ESRRG: variants seen among roughly 807,000 people sequenced by gnomAD.
ESRRG encodes the protein estrogen-related receptor gamma.
A neutral mutation model predicts 44.0 loss-of-function variants in ESRRG; 13 were observed. The ratio of observed to expected loss-of-function variants is 0.30; its 90% CI spans 0.19 to 0.47. The LOEUF (loss-of-function observed/expected upper bound fraction) is 0.47. ESRRG is among the 20% of genes least tolerant of loss of function. The pLI, the probability that ESRRG is intolerant of heterozygous loss-of-function variation, is 1.00. For missense variants in ESRRG, 395 were observed against 580.6 expected (o/e 0.68, Z 3.29); for synonymous variants, 215 against 214.6 (o/e 1.00, Z -0.02).
rs1023143366 is a variant in ESRRG at position 217,073,249 on chromosome 1, GCTTTCTACATGCAACTGCCAAAAA to G, written c.-106+16234_-106+16257del. 1.4e-4 allele frequency among the ~76,000 whole-genome samples: 19 copies of G among 135,594 alleles called. No homozygotes were observed. In the Middle Eastern group the frequency reaches 0.017, roughly 121 times the overall value. The allele number at this position is 135,594 out of a possible 152,430, so 89.0% of individuals were successfully genotyped here. On this transcript the variant is annotated intron_variant, in intron 1 of 7. Coordinates refer to the ESRRG transcript ENST00000359162. ...AAAAAATCCTCATGAAGAATGTATTGCTTTCTACATGCAACTGCCAAAAACCCAACTGTAGGCAAAATCCATCTT... is the reference window on the plus strand; with the variant it reads ...AAAAAATCCTCATGAAGAATGTATTGCCCAACTGTAGGCAAAATCCATCTT...
intron 3 of ESRRG, among the ~76,000 whole-genome samples, chr1:216,570,069 A>C (rs547189955): frequency 1.3e-5 from 2 of 152,354 alleles, no homozygotes; most frequent in African/African-American, 4.8e-5. Flanking sequence ...AAAGATTATT[A>C]GGAAAACAAT....
chr1:217,091,551 A>G (rs1337474059), upstream of ESRRG, among the ~76,000 whole-genome samples: 3 of 152,226 alleles, frequency 2.0e-5, no homozygotes, highest in African/African-American at 7.2e-5. Flanking sequence ...TGAATTGGAG[A>G]AACTAGACTA....
intron 1 of ESRRG, among the ~76,000 whole-genome samples, chr1:217,042,473 A>AACACACACACACACACACACAC (rs140559927): frequency 7.2e-6 from 1 of 139,072 alleles, no homozygotes; most frequent in African/African-American, 2.6e-5. Flanking sequence ...TACACACACA[A>AACACACACACACACACACACAC]ACACACACAC....
chr1:217,050,918 G>A (rs1397412909), intron 1 of ESRRG, among the ~76,000 whole-genome samples: 1 of 151,996 alleles, frequency 6.6e-6, no homozygotes, highest in Non-Finnish European at 1.5e-5. Flanking sequence ...TGACTGCTCT[G>A]GTCAAGGAAC....
chr1:217,122,004 C>T (rs926950896), intron 1 of ESRRG, among the ~76,000 whole-genome samples: 8 of 152,208 alleles, frequency 5.3e-5, no homozygotes, highest in South Asian at 2.1e-4. Flanking sequence ...CAGATAACCA[C>T]GAGTTAGGTT....
chr1:216,627,576 ATAAGT>A (rs758400603), intron 3 of ESRRG, among the ~76,000 whole-genome samples: 11 of 152,200 alleles, frequency 7.2e-5, no homozygotes, highest in African/African-American at 1.2e-4. Flanking sequence ...CCTTTGATAG[ATAAGT>A]TAAGTATCAT....
At chr1:216,706,762 C>A (rs2789721) in intron 1 of ESRRG, among the ~76,000 whole-genome samples, 131,211 of 152,258 alleles carry the variant, frequency 0.86, 56,601 homozygotes, top group South Asian at 0.9. Flanking sequence ...TTAACTGATG[C>A]CAATATAAAT....
chr1:216,743,179 A>C (rs1224924269), intron 2 of ESRRG, among the ~76,000 whole-genome samples: 5 of 152,178 alleles, frequency 3.3e-5, no homozygotes, highest in Non-Finnish European at 7.3e-5. Flanking sequence ...AATCTAAGAC[A>C]ATATGACTTT....
At chr1:216,720,681 T>A (rs764435226) in intron 1 of ESRRG, among the ~76,000 whole-genome samples, 15 of 152,034 alleles carry the variant, frequency 9.9e-5, no homozygotes, top group Non-Finnish European at 5.9e-5. Context: ...GTATAGATTT[T>A]AAAAAGAAGA....
chr1:217,126,109 T>C (rs2092885991), intron 1 of ESRRG, among the ~76,000 whole-genome samples: 1 of 152,142 alleles, frequency 6.6e-6, no homozygotes. Context: ...GCTTTGAGTC[T>C]CAGCTCTGCA....
chr1:216,887,053 T>C (rs572606465), intron 2 of ESRRG, among the ~76,000 whole-genome samples: 3 of 152,244 alleles, frequency 2.0e-5, no homozygotes, highest in Admixed American at 1.3e-4. Flanking sequence ...TAACAACTGC[T>C]TTCATTCTTT....
At chr1:216,704,517 C>G (rs1362583749) in intron 1 of ESRRG, among the ~76,000 whole-genome samples, 4 of 151,838 alleles carry the variant, frequency 2.6e-5, no homozygotes, top group Non-Finnish European at 5.9e-5. Context: ...AACTCTGTCT[C>G]TCTCCAAAAT....
At chr1:217,065,757 T>C (rs1000937338) in intron 1 of ESRRG, among the ~76,000 whole-genome samples, 9 of 152,192 alleles carry the variant, frequency 5.9e-5, no homozygotes, top group African/African-American at 2.2e-4. Context: ...AGTTACACAA[T>C]AGTTTTCTTT....
chr1:216,817,732 T>A (rs995227192), intron 2 of ESRRG, among the ~76,000 whole-genome samples: 1 of 152,190 alleles, frequency 6.6e-6, no homozygotes, highest in African/African-American at 2.4e-5. Context: ...GTGGAAAATT[T>A]AGGGAATAGG....
intron 6 of ESRRG, among the ~76,000 whole-genome samples, chr1:216,509,049 T>C (rs1385213507): frequency 6.6e-6 from 1 of 152,178 alleles, no homozygotes; most frequent in African/African-American, 2.4e-5. Context: ...AAATAATACA[T>C]TTACCATTTA....
Position 216,808,172 on chromosome 1 carries a change from A to AT in ESRRG, c.-13-130682dup, listed in dbSNP as rs2094857883. Among the ~76,000 whole-genome samples, 5 of 152,234 alleles carry AT rather than the reference A, an allele frequency of 3.3e-5. No homozygotes were observed. The South Asian group carries it at 1.0e-3, about 32-fold the overall frequency. ...TGATGGAATTTGGAGAAACATCCAA[A>AT]TATGCTCCAAAAGTTTTTGGATTCG... On this transcript the variant is annotated intron_variant, in intron 2 of 7. Transcript: ENST00000359162.
intron 2 of ESRRG, among the ~76,000 whole-genome samples, chr1:216,917,232 G>A (rs1578126543): frequency 6.7e-6 from 1 of 149,192 alleles, no homozygotes; most frequent in African/African-American, 2.5e-5. Flanking sequence ...TCTACTTAAT[G>A]CTTAGGTCTG....
intron 2 of ESRRG, among the ~76,000 whole-genome samples, chr1:216,809,107 G>A (rs966241262): frequency 2.7e-4 from 41 of 152,172 alleles, no homozygotes; most frequent in African/African-American, 8.7e-4. Context: ...TAGCAACCCT[G>A]CAAGGTGTGT....
chr1:216,799,438 G>A (rs12044714), intron 2 of ESRRG, among the ~76,000 whole-genome samples: 1 of 151,506 alleles, frequency 6.6e-6, no homozygotes. Flanking sequence ...CAGGATAGGA[G>A]GTGACGATTA....
Sources: allele counts gnomAD v4.1 joint callset (sites outside exome capture counted in the v4.1 genomes callset), GRCh38; gene constraint gnomAD v4.1.1; transcripts MANE v1.5; gene names NCBI Gene and HGNC (gene_info 2026-07-23, HGNC 2026-07-21).